LDLRAD3: variants seen among roughly 807,000 people sequenced by gnomAD.
LDLRAD3 encodes the protein low density lipoprotein receptor class A domain containing 3.
In LDLRAD3, 20 loss-of-function variants were observed where a neutral mutation model predicts 29.4. That is an observed-to-expected ratio of 0.68 (90% CI 0.48 to 0.99). LDLRAD3 has a LOEUF of 0.99. LDLRAD3 is among the 50% of genes least tolerant of loss of function. LDLRAD3 has a pLI of 0.00. For missense variants in LDLRAD3, 420 were observed against 454.3 expected, an observed-to-expected ratio of 0.92 and a Z score of 0.69; for synonymous variants, 157 against 192.7, an observed-to-expected ratio of 0.81 and a Z score of 1.53.
intron 2 of LDLRAD3, among the ~76,000 whole-genome samples, chr11:36,064,388 C>G (rs1216666421): frequency 6.6e-6 from 1 of 152,034 alleles, no homozygotes; most frequent in East Asian, 1.9e-4. Flanking sequence ...CAGCTCACTG[C>G]AGCCTTGACC....
At chr11:36,165,949 C>T (rs1049534215) in intron 4 of LDLRAD3, among the ~76,000 whole-genome samples, 1 of 110,306 alleles carries the variant, frequency 9.1e-6, no homozygotes, top group African/African-American at 4.4e-5. Context: ...TTGCTTCCTC[C>T]CTCCCTCCCT....
intron 1 of LDLRAD3, among the ~76,000 whole-genome samples, chr11:36,018,630 C>T (rs892455191): frequency 2.6e-5 from 4 of 152,078 alleles, no homozygotes; most frequent in African/African-American, 9.7e-5. Flanking sequence ...TCAGTGGGTC[C>T]AAAGGTAAGC....
At chr11:35,994,120 G>A (rs929199513) in intron 1 of LDLRAD3, among the ~76,000 whole-genome samples, 3 of 151,976 alleles carry the variant, frequency 2.0e-5, no homozygotes, top group Middle Eastern at 3.4e-3. Context: ...ACTTCAGCAG[G>A]GTTCCGGGAG....
At chr11:36,168,498 C>CTT (rs5791083) in intron 4 of LDLRAD3, among the ~76,000 whole-genome samples, 2,163 of 115,768 alleles carry the variant, frequency 0.019, 43 homozygotes, top group African/African-American at 0.028. Context: ...TTTCTTTCTT[C>CTT]TTTTTTTTTT....
rs370907153 is a variant in LDLRAD3, at chr11:36,098,900, T to C, written c.454+439T>C. 1.9e-3 allele frequency among the ~76,000 whole-genome samples: 287 copies of C among 152,320 alleles called. 2 individuals carry two copies. Among genetic ancestry groups the C allele is most frequent in the Non-Finnish European group, 3.0e-3 (205 of 68,032 alleles). ...CATGCAGCTGTGTTTTTTTTTCTTT[T>C]TTAAGTTTACATTGCTGACATCATT... is the stretch of plus-strand genomic sequence containing the variant. On this transcript the variant is annotated intron_variant, in intron 4 of 5. Transcript: ENST00000315571.
intron 4 of LDLRAD3, among the ~76,000 whole-genome samples, chr11:36,102,973 G>A (rs753878516): frequency 2.6e-5 from 4 of 152,046 alleles, no homozygotes; most frequent in Admixed American, 6.6e-5. Context: ...TTCTTTTGGC[G>A]TGTGTCAAAA....
chr11:36,066,760 G>C (rs1031224476), intron 2 of LDLRAD3, among the ~76,000 whole-genome samples: 1 of 152,238 alleles, frequency 6.6e-6, no homozygotes, highest in South Asian at 2.1e-4. Context: ...AATATTATGG[G>C]CTTGTCTCTC....
chr11:36,199,600 TGC>T (rs72333217), intron 4 of LDLRAD3, among the ~76,000 whole-genome samples: 10,054 of 145,474 alleles, frequency 0.069, 442 homozygotes, highest in East Asian at 0.2. Flanking sequence ...CACGCACGCG[TGC>T]GCGCACACGC....
intron 4 of LDLRAD3, among the ~76,000 whole-genome samples, chr11:36,114,596 T>G (rs540781086): frequency 2.2e-4 from 33 of 152,360 alleles, no homozygotes; most frequent in Middle Eastern, 3.4e-3. Flanking sequence ...AATTTGCATC[T>G]GGAGGAGACC....
intron 1 of LDLRAD3, among the ~76,000 whole-genome samples, chr11:36,002,805 A>C (rs1025121671): frequency 8.5e-5 from 13 of 152,212 alleles, no homozygotes; most frequent in African/African-American, 3.1e-4. Flanking sequence ...CCCACTTTCC[A>C]GTAGAAAAGA....
chr11:35,972,291 G>C (rs1851422750), intron 1 of LDLRAD3: 1 of 152,204 alleles, frequency 6.6e-6, no homozygotes, highest in East Asian at 1.9e-4. Flanking sequence ...GTTTCAGGAT[G>C]ACAGTTCAAG....
chr11:35,964,645 T>C (rs142909900), intron 1 of LDLRAD3, among the ~76,000 whole-genome samples: 1 of 152,226 alleles, frequency 6.6e-6, no homozygotes, highest in Non-Finnish European at 1.5e-5. Context: ...TTGGACACCA[T>C]TGAGGGAATG....
At chr11:36,023,182 T>C (rs61879139) in intron 1 of LDLRAD3, among the ~76,000 whole-genome samples, 11,852 of 152,236 alleles carry the variant, frequency 0.078, 497 homozygotes, top group South Asian at 0.14. Flanking sequence ...TTGATCTCCC[T>C]GGCGGGGTTG....
intron 4 of LDLRAD3, among the ~76,000 whole-genome samples, chr11:36,204,365 G>A (rs922207322): frequency 6.6e-6 from 1 of 152,266 alleles, no homozygotes; most frequent in Non-Finnish European, 1.5e-5. Flanking sequence ...GTGGAAAAAC[G>A]AGCCAACCAG....
intron 4 of LDLRAD3, among the ~76,000 whole-genome samples, chr11:36,134,366 A>G (rs1853973992): frequency 6.6e-6 from 1 of 152,218 alleles, no homozygotes; most frequent in Non-Finnish European, 1.5e-5. Flanking sequence ...CACTTTTATC[A>G]GTTCCTGTAA....
At chr11:36,023,858 G>A (rs1852129081) in intron 1 of LDLRAD3, among the ~76,000 whole-genome samples, 1 of 152,164 alleles carries the variant, frequency 6.6e-6, no homozygotes, top group African/African-American at 2.4e-5. Context: ...GTTTGGAAGG[G>A]TTCGTTCATG....
intron 1 of LDLRAD3, among the ~76,000 whole-genome samples, chr11:36,024,320 A>G (rs1360600368): frequency 8.1e-6 from 1 of 123,038 alleles, no homozygotes; most frequent in Non-Finnish European, 1.8e-5. Flanking sequence ...TATGTTTTAT[A>G]TCTATATCTA....
At position 36,158,202 on chromosome 11, in the gene LDLRAD3, A is replaced by G. The variant is rs150940096; in HGVS notation, c.454+59741A>G. On this transcript the variant is annotated intron_variant, in intron 4 of 5. Coordinates refer to ENST00000315571, the MANE Select transcript of LDLRAD3 (RefSeq NM_174902.4). The stretch of plus-strand genomic sequence containing the variant: ...TCTATGAAGATAGCCTCAGCACATG[A>G]GTTATGAGAGCTGCCTCAGCTGTGA... Among the ~76,000 whole-genome samples the G allele has an allele frequency of 2.8e-3, 434 of 152,296 alleles. 3 individuals are homozygous for G. Among genetic ancestry groups the G allele is most frequent in the African/African-American group, 9.8e-3 (409 of 41,552 alleles).
chr11:36,207,475 C>A (rs753123031), intron 4 of LDLRAD3, among the ~76,000 whole-genome samples: 5 of 152,046 alleles, frequency 3.3e-5, no homozygotes, highest in Non-Finnish European at 5.9e-5. Context: ...CATAAGGAGA[C>A]CCTGTCTCTA....
Sources: gnomAD v4.1 joint callset for allele counts (sites outside exome capture counted in the v4.1 genomes callset) on GRCh38, gnomAD v4.1.1 for gene constraint, MANE v1.5 for transcripts, NCBI Gene and HGNC (gene_info 2026-07-23, HGNC 2026-07-21) for gene names.